CROCC: variants seen among roughly 807,000 people sequenced by gnomAD.
CROCC encodes rootletin.
In CROCC, 180 loss-of-function variants were observed where a neutral mutation model predicts 245.2. That is an observed-to-expected ratio of 0.73 (90% CI 0.65 to 0.83). CROCC has a LOEUF of 0.83. CROCC is among the 40% of genes least tolerant of loss of function. The probability of loss-of-function intolerance (pLI) is 0.00; values close to 1 mark genes in which losing one functional copy is unlikely to be tolerated. For synonymous variants in CROCC, 1,205 were observed against 1,241.6 expected (o/e 0.97, Z 0.62); for missense variants, 2,688 against 2,779.4 (o/e 0.97, Z 0.74).
At chr1:16,968,838 A>T (rs1159888882) in intron 31 of CROCC, among the ~76,000 whole-genome samples, 1 of 152,132 alleles carries the variant, frequency 6.6e-6, no homozygotes, top group East Asian at 1.9e-4. Context: ...CACAGCAGAG[A>T]GGAGAGAGGA....
In CROCC at chr1:16,954,851, A is replaced by C; in HGVS notation, c.3439A>C (p.Lys1147Gln). 6.5e-7 allele frequency: 1 copy of C among 1,542,294 alleles called. No homozygotes were observed. Among genetic ancestry groups the C allele is most frequent in the East Asian group, 2.4e-5 (1 of 40,858 alleles). The change falls in exon 23 of 37, where the codon AAG becomes CAG. Residue 1147 changes from lysine (K) to glutamine (Q), a missense_variant. Physicochemically the swap from Lys to Gln is moderately conservative, Grantham distance 53. This residue lies in a region of CROCC where 1,218 missense variants were observed against 1,286.3 expected (regional missense o/e 0.95). Coordinates refer to ENST00000375541, the MANE Select transcript of CROCC (RefSeq NM_014675.5). The surrounding 1 kb of genome is among the most constrained non-coding windows in gnomAD (Gnocchi z 4.4). ...RLQEQARDLG[K>Q]QRDSCLREAE... ...GCAAGAGCAGGCCCGAGACCTGGGCAAGCAGCGGGACTCCTGTCTTCGCGA... is the reference window on the plus strand; with the variant it reads ...GCAAGAGCAGGCCCGAGACCTGGGCCAGCAGCGGGACTCCTGTCTTCGCGA...
intron 27 of CROCC, among the ~76,000 whole-genome samples, chr1:16,962,459 C>T (rs1209276298): frequency 1.4e-5 from 2 of 145,078 alleles, no homozygotes; most frequent in Non-Finnish European, 3.0e-5. Flanking sequence ...GGCGTGAACC[C>T]GGAAGATGGA....
At chr1:16,967,119 C>T (rs1373462302) in intron 30 of CROCC, among the ~76,000 whole-genome samples, 3 of 152,106 alleles carry the variant, frequency 2.0e-5, no homozygotes, top group African/African-American at 7.2e-5. Context: ...CTGTCATCTG[C>T]CTGGTTTTCA....
intron 16 of CROCC, 34 bp from the exon 17 acceptor site, chr1:16,946,725 CCT>C: frequency 1.9e-6 from 3 of 1,543,086 alleles, no homozygotes; most frequent in Non-Finnish European, 2.6e-6. Context: ...GGAGGGACGC[CCT>C]GCTCACGAGG....
chr1:16,960,096 GTC>G (rs1354032427), intron 26 of CROCC, among the ~76,000 whole-genome samples: 1 of 152,072 alleles, frequency 6.6e-6, no homozygotes, highest in Non-Finnish European at 1.5e-5. Context: ...GCAAAACTCT[GTC>G]TCTACTAAAA....
rs145642834 is a variant in CROCC at position 16,939,963 on chromosome 1, G to A, written c.1678G>A (p.Glu560Lys). The A allele has an allele frequency of 6.2e-7, 1 of 1,612,656 alleles. No individual in the cohort carries two copies. Among genetic ancestry groups the A allele is most frequent in the Non-Finnish European group, 8.5e-7 (1 of 1,179,808 alleles). The part of the protein sequence containing the change: ...GTLRKQLSDS[E>K]SERRALEEQL... ...CCTGCGGAAGCAGCTTAGCGACAGC[G>A]AGAGCGAGCGGCGGGCCCTAGAGGA... Residue 560 changes from glutamate to lysine, a missense_variant, in exon 13 of 37, where the codon GAG becomes AAG. By Grantham distance (56) the Glu-to-Lys change is moderately conservative. Around this residue, in one of 9 missense-constraint regions of CROCC, gnomAD observed 972 missense variants for 895.3 expected, o/e 1.09. Transcript: ENST00000375541.
intron 31 of CROCC, among the ~76,000 whole-genome samples, chr1:16,968,776 C>A (rs1231873954): frequency 2.6e-5 from 4 of 152,228 alleles, no homozygotes; most frequent in Admixed American, 6.5e-5. Context: ...GAACACCCAA[C>A]AAGGTCAAAA....
Position 16,955,480 on chromosome 1 carries a change from C to T in CROCC, c.3634C>T (p.Arg1212Cys), listed in dbSNP as rs1041072414. The change falls in exon 24 of 37, where the codon CGC becomes TGC. Residue 1212 changes from arginine (R) to cysteine (C), a missense_variant. Transcript: ENST00000375541. ...CAGCCTGGGCGAGGGTGCCAAGGAG[C>T]GCGAGGCCCTGCGGCGTTCCAATGA... Reference protein sequence around the residue: ...RRSLGEGAKEREALRRSNEEL... With the variant: ...RRSLGEGAKECEALRRSNEEL... 6.9e-6 allele frequency: 11 copies of T among 1,585,488 alleles called. No homozygotes were observed. Among genetic ancestry groups the T allele is most frequent in the East Asian group, 2.3e-5 (1 of 43,980 alleles).
chr1:16,922,468 T>G (rs1489530851), intron 1 of CROCC, among the ~76,000 whole-genome samples, 195 bp from the exon 2 acceptor site: 1 of 152,282 alleles, frequency 6.6e-6, no homozygotes, highest in African/African-American at 2.4e-5. Flanking sequence ...GCCCTGGGCC[T>G]TCTTCCTGGG....
At chr1:16,921,836 A>C, upstream of CROCC, 2 of 605,988 alleles carry the variant, frequency 3.3e-6, no homozygotes, top group Non-Finnish European at 2.9e-6. Context: ...GTCCTTTCCC[A>C]TCCCCTCCCT....
At chr1:16,927,454 ATGCGG>A (rs1180012893) in intron 3 of CROCC, among the ~76,000 whole-genome samples, 1 of 152,208 alleles carries the variant, frequency 6.6e-6, no homozygotes, top group Non-Finnish European at 1.5e-5. Context: ...ACCCACCCAC[ATGCGG>A]TTGTACACTT....
chr1:16,953,469 T>G lies in CROCC; in HGVS notation c.3174T>G (p.Ser1058Arg), dbSNP rs369080130. ...ACGAGGGCCTCCTCCTAGCAGAGAG[T>G]GAGAAGCAGCAGGTTCGTGAGCCCT... ...ERDEGLLLAE[S>R]EKQQALSLKE... The change falls in exon 21 of 37, where the codon AGT (serine) becomes AGG (arginine). Residue 1058 changes from serine to arginine, a missense_variant. Physicochemically the swap from Ser to Arg is moderately radical, Grantham distance 110. Coordinates refer to ENST00000375541, the MANE Select transcript of CROCC (RefSeq NM_014675.5). The G allele has an allele frequency of 6.2e-7, 1 of 1,605,896 alleles. No individual in the cohort carries two copies. Among genetic ancestry groups the G allele is most frequent in the African/African-American group, 1.3e-5 (1 of 74,774 alleles).
chr1:16,960,741 T>C lies in CROCC; in HGVS notation c.4033-17T>C. 1 of 1,500,092 alleles carries C rather than the reference T, an allele frequency of 6.7e-7. No individual in the cohort carries two copies. Among genetic ancestry groups the C allele is most frequent in the East Asian group, 2.7e-5 (1 of 37,688 alleles). 92.9% of individuals were successfully genotyped at this position (1,500,092 alleles called of 1,614,324 possible). A position where few individuals can be genotyped will look rare whatever the true frequency, so the allele number is the denominator to read the frequency against. ...GGGAGAGGTCTTGCCGACCTCCACC[T>C]CCTGGCATCACTCCAGCTCCAGGTA... On this transcript the variant is annotated splice_polypyrimidine_tract_variant and intron_variant, in intron 26 of 36. Transcript: ENST00000375541.
intron 14 of CROCC, 128 bp downstream of exon 14, chr1:16,944,410 C>T (rs1454729158): frequency 5.2e-5 from 57 of 1,087,870 alleles, no homozygotes; most frequent in East Asian, 1.4e-4. Flanking sequence ...CCTCCGATGT[C>T]GGGTTTTCTA....
intron 35 of CROCC, chr1:16,970,985 A>G (rs1354253362): frequency 1.0e-5 from 5 of 495,776 alleles, no homozygotes; most frequent in East Asian, 6.5e-5. Context: ...CTGTGGGTTC[A>G]TGTACGTTGT....
At chr1:16,948,736 T>G in intron 18 of CROCC, 63 bp from the exon 19 acceptor site, 12 of 1,600,530 alleles carry the variant, frequency 7.5e-6, no homozygotes, top group Non-Finnish European at 1.0e-5. Flanking sequence ...CTCCCTGAGA[T>G]CCACAGTTTC....
At chr1:16,939,418 G>A (rs1431187129) in intron 12 of CROCC, among the ~76,000 whole-genome samples, 17 of 152,362 alleles carry the variant, frequency 1.1e-4, no homozygotes, top group Non-Finnish European at 2.1e-4. Context: ...GAGGGAGGAG[G>A]CTGCGGCAGT....
At chr1:16,915,890 C>G (rs2075297579) in intron 1 of CROCC, among the ~76,000 whole-genome samples, 1 of 152,196 alleles carries the variant, frequency 6.6e-6, no homozygotes, top group African/African-American at 2.4e-5. Flanking sequence ...TCAAGAAGGC[C>G]ATGAGCAGCC....
intron 16 of CROCC, 63 bp from the exon 17 acceptor site, chr1:16,946,698 G>C: frequency 6.7e-7 from 1 of 1,481,990 alleles, no homozygotes; most frequent in Non-Finnish European, 9.2e-7. Flanking sequence ...GTGGGTGGAG[G>C]AGGCGTCCTG....
Sources: gnomAD v4.1 joint callset for allele counts (sites outside exome capture counted in the v4.1 genomes callset) on GRCh38, gnomAD v4.1.1 for gene constraint, gnomAD v4.1.1 regional missense constraint, Gnocchi (gnomAD v3.1) non-coding constraint, MANE v1.5 for transcripts, NCBI Gene and HGNC (gene_info 2026-07-23, HGNC 2026-07-21) for gene names.